Variants in TP53I13 observed in about 807,000 individuals in gnomAD.
TP53I13 encodes the protein tumor protein p53 inducible protein 13, also known as tumor protein p53-inducible protein 13.
TP53I13 carries 27 observed loss-of-function variants against 39.1 expected under a neutral mutation model. The observed-to-expected ratio is 0.69, with a 90% CI of 0.51 to 0.95. The LOEUF (loss-of-function observed/expected upper bound fraction) is 0.95. Among genes scored for constraint, TP53I13 ranks in the 40% least tolerant of loss-of-function variants. The pLI is 0.00. For synonymous variants in TP53I13, 230 were observed against 224.6 expected, an observed-to-expected ratio of 1.02 and a Z score of -0.22; for missense variants, 544 against 520.4, an observed-to-expected ratio of 1.05 and a Z score of -0.44.
chr17:29,575,180 CAAGG>C, downstream of TP53I13: 1 of 1,571,054 alleles, frequency 6.4e-7, no homozygotes, highest in Non-Finnish European at 8.7e-7. This position sits in a 1 kb window ranked among gnomAD's most constrained non-coding sequence, Gnocchi z 5.5. Context: ...AGGGGGCTCT[CAAGG>C]GAGGTTCCCA....
downstream of TP53I13, chr17:29,574,353 G>C (rs1435352254): frequency 3.1e-6 from 1 of 322,692 alleles, no homozygotes; most frequent in Non-Finnish European, 5.9e-6. Flanking sequence ...CATGTACGGA[G>C]AGCTGCCCCA....
upstream of TP53I13, chr17:29,566,659 C>T: frequency 1.2e-6 from 2 of 1,603,084 alleles, no homozygotes; most frequent in South Asian, 2.2e-5. Context: ...CAGGTGGGGC[C>T]CGGAGAACCA....
upstream of TP53I13, chr17:29,566,982 C>T: frequency 1.7e-5 from 22 of 1,300,402 alleles, no homozygotes; most frequent in Non-Finnish European, 2.0e-5. Context: ...AGCTGGAGAG[C>T]CCCGGCGGGC....
chr17:29,566,325 G>A, upstream of TP53I13: 2 of 1,611,534 alleles, frequency 1.2e-6, 1 homozygote, highest in Non-Finnish European at 1.7e-6. Context: ...CCTCCTTGAG[G>A]TCGGACGGGT....
downstream of TP53I13, chr17:29,575,293 A>G (rs754202696): frequency 1.2e-6 from 2 of 1,611,088 alleles, no homozygotes; most frequent in Admixed American, 1.7e-5. The surrounding 1 kb of genome is among the most constrained non-coding windows in gnomAD (Gnocchi z 5.5). Flanking sequence ...AGTACCTGTC[A>G]TGCTTGAACT....
At chr17:29,576,463 A>T (rs1449086721), downstream of TP53I13, 1 of 1,612,638 alleles carries the variant, frequency 6.2e-7, no homozygotes, top group Non-Finnish European at 8.5e-7. Flanking sequence ...ATGGGTGCAA[A>T]GTGCTGTCAA....
chr17:29,581,230 G>T, the TP53I13 span: 3 of 797,346 alleles, frequency 3.8e-6, no homozygotes, highest in Admixed American at 3.7e-5. The surrounding 1 kb of genome is among the most constrained non-coding windows in gnomAD (Gnocchi z 4.8). Context: ...TCTCTGGGGG[G>T]AGGGAGCAGG....
At chr17:29,577,741 C>T (rs762198415), downstream of TP53I13, 4 of 1,596,426 alleles carry the variant, frequency 2.5e-6, no homozygotes, top group Non-Finnish European at 3.4e-6. Flanking sequence ...TAGCCAGCCA[C>T]ACTGTAGGGG....
rs1230293603 is a variant in TP53I13, at chr17:29,568,942, G to T, written c.73-76G>T. The T allele has an allele frequency of 1.3e-6, 2 of 1,594,752 alleles. No individual in the cohort carries two copies. Among genetic ancestry groups the T allele is most frequent in the East Asian group, 4.5e-5 (2 of 44,418 alleles). On this transcript the variant is annotated intron_variant, in intron 1 of 6. Transcript: ENST00000301057. The surrounding 1 kb of genome is among the most constrained non-coding windows in gnomAD (Gnocchi z 4.5). ...AGGGGGACGCGGAGTTCTTCCGCTG[G>T]CGGGCTGGGCCTGGGGAGAGAGAGG...
At chr17:29,577,798 G>T, downstream of TP53I13, 1 of 1,083,384 alleles carries the variant, frequency 9.2e-7, no homozygotes, top group Non-Finnish European at 1.4e-6. Context: ...CCAAGGTGGG[G>T]GTGGGGAAGC....
At chr17:29,571,778 C>T (rs2032936915) in intron 4 of TP53I13, 59 bp downstream of exon 4, 5 of 1,613,476 alleles carry the variant, frequency 3.1e-6, no homozygotes, top group East Asian at 2.2e-5. Flanking sequence ...GCCCCGTGTG[C>T]AGGGAATGGA....
chr17:29,581,676 C>T, the TP53I13 span: 1 of 1,290,254 alleles, frequency 7.8e-7, no homozygotes, highest in Non-Finnish European at 1.1e-6. This position sits in a 1 kb window ranked among gnomAD's most constrained non-coding sequence, Gnocchi z 4.8. Flanking sequence ...CCGGGTGCGT[C>T]CAGGTCCCAC....
the TP53I13 span, chr17:29,578,579 G>A: frequency 1.2e-6 from 1 of 853,450 alleles, no homozygotes; most frequent in Non-Finnish European, 2.0e-6. Flanking sequence ...TTGTAGGGAG[G>A]TCAGGGAGAG....
Position 29,572,368 on chromosome 17 carries a change from C to G in TP53I13, c.740C>G (p.Pro247Arg), listed in dbSNP as rs770746489. Residue 247 changes from proline (P) to arginine (R), a missense_variant, in exon 6 of 7, where the codon CCA becomes CGA. Physicochemically the swap from Pro to Arg is moderately radical, Grantham distance 103. Coordinates refer to ENST00000301057, the MANE Select transcript of TP53I13 (RefSeq NM_138349.4). Reference sequence around the variant, plus strand: ...ATCCCTGGTAGGGAGAGTAATGCCCCATCTGTGCCCACTGTCTCCCTGCTG... The same window carrying G: ...ATCCCTGGTAGGGAGAGTAATGCCCGATCTGTGCCCACTGTCTCCCTGCTG... The part of the protein sequence containing the change: ...AGIPGRESNA[P>R]SVPTVSLLPG... The G allele has an allele frequency of 3.1e-5, 50 of 1,604,216 alleles. 1 individual carries two copies. The Middle Eastern group carries it at 6.6e-4, about 21-fold the overall frequency.
chr17:29,578,239 G>C, the TP53I13 span: 22 of 1,353,976 alleles, frequency 1.6e-5, no homozygotes, highest in Non-Finnish European at 2.0e-5. Context: ...TAAAGGACCA[G>C]AGACCCATGC....
chr17:29,578,171 G>T, the TP53I13 span: 1 of 775,318 alleles, frequency 1.3e-6, no homozygotes. Flanking sequence ...ACAGCCAGCA[G>T]GGGCTCATCT....
chr17:29,578,612 G>T, the TP53I13 span: 3 of 970,794 alleles, frequency 3.1e-6, no homozygotes, highest in Non-Finnish European at 5.0e-6. Context: ...GCCAGTGAGG[G>T]GACAGGTCAA....
chr17:29,568,754 T>C lies in TP53I13; in HGVS notation c.-5T>C. On this transcript the variant is annotated 5_prime_UTR_variant, in exon 1 of 7. Transcript: ENST00000301057. This position sits in a 1 kb window ranked among gnomAD's most constrained non-coding sequence, Gnocchi z 4.5. The stretch of plus-strand genomic sequence containing the variant: ...GGCGGCGGGCCGGGCCCGGGGCCGC[T>C]TGGAATGGCGCCTCCTCCGCCTTCG... The C allele has an allele frequency of 6.4e-7, 1 of 1,572,676 alleles. No homozygotes were observed.
chr17:29,569,306 C>T lies in TP53I13; in HGVS notation c.142-12C>T, dbSNP rs760243954. On this transcript the variant is annotated splice_polypyrimidine_tract_variant and intron_variant, in intron 2 of 6. Transcript: ENST00000301057. The stretch of plus-strand genomic sequence containing the variant: ...CCAACTGCCCTAAGCTCTGTTCTTT[C>T]CCCATGTATAGGTGTCACCAAGAGT... The T allele has an allele frequency of 1.2e-6, 2 of 1,613,718 alleles. No individual in the cohort carries two copies. The highest frequency in any genetic ancestry group is 2.2e-5 in the East Asian group (1 of 44,878).
Sources: gnomAD v4.1 joint callset for allele counts on GRCh38, gnomAD v4.1.1 for gene constraint, Gnocchi (gnomAD v3.1) non-coding constraint, MANE v1.5 for transcripts, NCBI Gene and HGNC (gene_info 2026-07-23, HGNC 2026-07-21) for gene names.